MYO3B: variants seen among roughly 807,000 people sequenced by gnomAD.
MYO3B encodes myosin-IIIb.
MYO3B carries 156 observed loss-of-function variants against 174.6 expected under a neutral mutation model. The ratio of observed to expected loss-of-function variants is 0.89; its 90% CI spans 0.78 to 1.02. The LOEUF is 1.02. Ranked by LOEUF, MYO3B falls within the 50% of genes least tolerant of loss-of-function variation. The pLI, the probability that MYO3B is intolerant of heterozygous loss-of-function variation, is 0.00. For synonymous variants in MYO3B, 563 were observed against 569.1 expected (o/e 0.99, Z 0.15); for missense variants, 1,632 against 1,639.4 (o/e 1.00, Z 0.08).
At chr2:170,646,161 C>T (rs1298587096) in intron 32 of MYO3B, among the ~76,000 whole-genome samples, 2 of 151,442 alleles carry the variant, frequency 1.3e-5, no homozygotes, top group African/African-American at 4.8e-5. Flanking sequence ...ATCCCAGCTA[C>T]TAGGGAGGCT....
intron 1 of MYO3B, among the ~76,000 whole-genome samples, chr2:170,186,075 A>G (rs1299548582): frequency 6.6e-6 from 1 of 152,194 alleles, no homozygotes; most frequent in Non-Finnish European, 1.5e-5. Flanking sequence ...ACCATCTACA[A>G]ACAAGGCTAA....
At chr2:170,218,474 C>T (rs2092855179) in intron 6 of MYO3B, among the ~76,000 whole-genome samples, 1 of 152,128 alleles carries the variant, frequency 6.6e-6, no homozygotes, top group Non-Finnish European at 1.5e-5. Context: ...AGCAGCTCTA[C>T]TTTTATGAGA....
intron 30 of MYO3B, among the ~76,000 whole-genome samples, chr2:170,522,346 A>G (rs1467049987): frequency 6.6e-6 from 1 of 152,154 alleles, no homozygotes; most frequent in African/African-American, 2.4e-5. Context: ...TCTATGATTG[A>G]CATAAACACT....
At chr2:170,271,462 C>T (rs1406213888) in intron 7 of MYO3B, among the ~76,000 whole-genome samples, 1 of 152,144 alleles carries the variant, frequency 6.6e-6, no homozygotes, top group Non-Finnish European at 1.5e-5. Context: ...ATATTTTCAA[C>T]TCTCCAACAG....
chr2:170,269,823 A>G (rs893542808), intron 7 of MYO3B, among the ~76,000 whole-genome samples: 1 of 152,192 alleles, frequency 6.6e-6, no homozygotes, highest in African/African-American at 2.4e-5. Context: ...CTCAAACTTT[A>G]GTGTGCATCA....
chr2:170,482,150 G>A (rs1047495933), intron 25 of MYO3B, among the ~76,000 whole-genome samples: 7 of 149,036 alleles, frequency 4.7e-5, no homozygotes, highest in Admixed American at 3.4e-4. Flanking sequence ...TCCTGCACAA[G>A]TTCTCTCTCT....
At chr2:170,636,141 A>G (rs1697450298) in intron 32 of MYO3B, among the ~76,000 whole-genome samples, 1 of 152,170 alleles carries the variant, frequency 6.6e-6, no homozygotes, top group Non-Finnish European at 1.5e-5. Flanking sequence ...CTTATTATGA[A>G]GCATGTGTGT....
At chr2:170,639,907 G>T (rs923994701) in intron 32 of MYO3B, among the ~76,000 whole-genome samples, 1 of 152,170 alleles carries the variant, frequency 6.6e-6, no homozygotes, top group Non-Finnish European at 1.5e-5. Flanking sequence ...GAGCCCTTAT[G>T]TCTACTTTGG....
At chr2:170,439,243 G>T (rs984510920) in intron 22 of MYO3B, among the ~76,000 whole-genome samples, 1 of 151,472 alleles carries the variant, frequency 6.6e-6, no homozygotes, top group Non-Finnish European at 1.5e-5. Flanking sequence ...ATGCTGGTGG[G>T]CGCCTGTAGT....
intron 23 of MYO3B, among the ~76,000 whole-genome samples, chr2:170,462,855 G>A (rs918390028): frequency 3.3e-5 from 5 of 152,244 alleles, no homozygotes; most frequent in Non-Finnish European, 7.3e-5. Context: ...GTGATTTGGT[G>A]CCTGAGCTCC....
chr2:170,474,738 C>T (rs1328307644), intron 25 of MYO3B, among the ~76,000 whole-genome samples: 4 of 78,574 alleles, frequency 5.1e-5, no homozygotes, highest in Non-Finnish European at 6.8e-5. Flanking sequence ...AGTGAAACTC[C>T]GTCTCAAAAA....
At chr2:170,582,459 A>G (rs568463971) in intron 32 of MYO3B, among the ~76,000 whole-genome samples, 2 of 152,260 alleles carry the variant, frequency 1.3e-5, no homozygotes, top group Admixed American at 1.3e-4. Flanking sequence ...GCTGAATCCA[A>G]CCATACATCC....
intron 8 of MYO3B, among the ~76,000 whole-genome samples, chr2:170,336,683 C>T (rs2093949463): frequency 6.6e-6 from 1 of 152,122 alleles, no homozygotes; most frequent in African/African-American, 2.4e-5. Context: ...TGTGCTGCCC[C>T]ATATCCTGCT....
intron 27 of MYO3B, among the ~76,000 whole-genome samples, 190 bp downstream of exon 27, chr2:170,499,998 A>G (rs1448726751): frequency 4.6e-5 from 6 of 129,036 alleles, no homozygotes; most frequent in African/African-American, 1.8e-4. Flanking sequence ...GCAAATGTGT[A>G]TCAAATGTGT....
intron 32 of MYO3B, among the ~76,000 whole-genome samples, chr2:170,590,394 T>G (rs1230570182): frequency 6.6e-6 from 1 of 152,034 alleles, no homozygotes; most frequent in Non-Finnish European, 1.5e-5. Flanking sequence ...TCCTTCATAT[T>G]TTGGTTTTAC....
chr2:170,234,204 A>T (rs1463176355), intron 6 of MYO3B, among the ~76,000 whole-genome samples: 1 of 133,998 alleles, frequency 7.5e-6, no homozygotes, highest in East Asian at 2.0e-4. Context: ...AAAACAAAAA[A>T]AAAACACCTG....
At chr2:170,309,847 C>G (rs1053049372) in intron 7 of MYO3B, among the ~76,000 whole-genome samples, 1 of 152,118 alleles carries the variant, frequency 6.6e-6, no homozygotes, top group African/African-American at 2.4e-5. Flanking sequence ...GCAACCAACA[C>G]CTCTGTTTAG....
chr2:170,245,161 C>A (rs1413402075), intron 7 of MYO3B, among the ~76,000 whole-genome samples: 5 of 152,118 alleles, frequency 3.3e-5, no homozygotes, highest in African/African-American at 4.8e-5. Context: ...GCCTTTCTGT[C>A]ACATTCAAGG....
At chr2:170,488,708 T>C (rs564103288) in intron 25 of MYO3B, among the ~76,000 whole-genome samples, 2 of 152,238 alleles carry the variant, frequency 1.3e-5, no homozygotes, top group Non-Finnish European at 1.5e-5. Context: ...TTAGAATCAT[T>C]ATCAGGCTGG....
Sources: gnomAD v4.1 joint callset for allele counts (sites outside exome capture counted in the v4.1 genomes callset) on GRCh38, gnomAD v4.1.1 for gene constraint, MANE v1.5 for transcripts, NCBI Gene and HGNC (gene_info 2026-07-23, HGNC 2026-07-21) for gene names.